The following SLCO1B3 variants were observed in gnomAD, a reference collection of about 807,000 sequenced individuals.
SLCO1B3 encodes the protein solute carrier organic anion transporter family member 1B3.
A neutral mutation model predicts 71.8 loss-of-function variants in SLCO1B3; 72 were observed. That is an observed-to-expected ratio of 1.00 (90% CI 0.83 to 1.22). The LOEUF (loss-of-function observed/expected upper bound fraction) is 1.22. SLCO1B3 is among the 50% of genes most tolerant of loss of function. SLCO1B3 has a pLI of 0.00. For synonymous variants in SLCO1B3, 298 were observed against 278.4 expected (o/e 1.07, Z -0.70); for missense variants, 911 against 819.7 (o/e 1.11, Z -1.36).
chr12:20,811,025 A>G (rs937475459), intron 1 of SLCO1B3, among the ~76,000 whole-genome samples: 1 of 152,138 alleles, frequency 6.6e-6, no homozygotes, highest in African/African-American at 2.4e-5. Flanking sequence ...TCCTATTTCT[A>G]TTGCTTTCTA....
chr12:20,843,380 A>G (rs4382961), intron 3 of SLCO1B3, among the ~76,000 whole-genome samples: 101,110 of 151,742 alleles, frequency 0.67, 36,890 homozygotes, highest in South Asian at 0.84. Context: ...GTATCTTTAC[A>G]TGCCACACTT....
At chr12:20,893,636 A>T (rs969399868) in intron 13 of SLCO1B3, among the ~76,000 whole-genome samples, 1 of 152,228 alleles carries the variant, frequency 6.6e-6, no homozygotes, top group Non-Finnish European at 1.5e-5. Context: ...TTAGAACAAG[A>T]AAGTGAAAGG....
intron 7 of SLCO1B3, 88 bp downstream of exon 7, chr12:20,862,646 A>G: frequency 2.1e-6 from 3 of 1,455,958 alleles, no homozygotes; most frequent in East Asian, 2.3e-5. Flanking sequence ...TCTTTTACCT[A>G]TTAGAAAAAT....
At chr12:20,816,585 T>A (rs924648339) in intron 3 of SLCO1B3, among the ~76,000 whole-genome samples, 1 of 152,238 alleles carries the variant, frequency 6.6e-6, no homozygotes, top group Non-Finnish European at 1.5e-5. Context: ...CACTTTTTTT[T>A]ACGCATTCAT....
intron 15 of SLCO1B3, chr12:20,902,411 A>G (rs1591790347): frequency 6.6e-6 from 1 of 152,532 alleles, no homozygotes; most frequent in East Asian, 1.9e-4. Context: ...GTAGTTCTCT[A>G]ATAATTAGTG....
intron 3 of SLCO1B3, among the ~76,000 whole-genome samples, chr12:20,823,468 A>G (rs1864360402): frequency 6.6e-6 from 1 of 152,214 alleles, no homozygotes; most frequent in Non-Finnish European, 1.5e-5. Context: ...AGGTACTATA[A>G]TTTATAGAAG....
chr12:20,850,256 T>TTTTA (rs67315737), intron 3 of SLCO1B3, among the ~76,000 whole-genome samples: 6,918 of 143,016 alleles, frequency 0.048, 349 homozygotes, highest in African/African-American at 0.12. Context: ...ATTATTATTA[T>TTTTA]TTTATTTATT....
intron 13 of SLCO1B3, among the ~76,000 whole-genome samples, chr12:20,891,352 A>AT (rs1865899967): frequency 6.6e-6 from 1 of 151,674 alleles, no homozygotes; most frequent in Non-Finnish European, 1.5e-5. Flanking sequence ...TAAGACCCTA[A>AT]TTTCTTTTGG....
chr12:20,867,104 A>C lies in SLCO1B3; in HGVS notation c.727+4250A>C, dbSNP rs148419643. ...CCAGAACCTCATGAGTTGAATACTG[A>C]AGGTGCTGAAGTGGTCTGCTTTACC... On this transcript the variant is annotated intron_variant, in intron 8 of 15. Transcript: ENST00000381545. Among the ~76,000 whole-genome samples, 457 of 152,194 alleles carry C rather than the reference A, an allele frequency of 3.0e-3. 1 individual carries two copies. Among genetic ancestry groups the C allele is most frequent in the African/African-American group, 0.01 (426 of 41,548 alleles).
At chr12:20,877,975 A>G in intron 10 of SLCO1B3, 39 bp downstream of exon 10, 1 of 1,361,114 alleles carries the variant, frequency 7.3e-7, no homozygotes, top group Non-Finnish European at 1.0e-6. Context: ...GATAAATGAA[A>G]CACTGCTGAG....
chr12:20,905,661 T>C (rs1866229069), intron 15 of SLCO1B3, among the ~76,000 whole-genome samples: 1 of 152,176 alleles, frequency 6.6e-6, no homozygotes, highest in African/African-American at 2.4e-5. Context: ...GAGTGACCTT[T>C]ACTCCAGTTC....
chr12:20,836,428 A>G (rs758453926), intron 3 of SLCO1B3, among the ~76,000 whole-genome samples: 3 of 152,116 alleles, frequency 2.0e-5, no homozygotes, highest in Admixed American at 1.3e-4. Flanking sequence ...TTTTACATCT[A>G]TGTTCATGAG....
intron 5 of SLCO1B3, among the ~76,000 whole-genome samples, chr12:20,860,674 G>A (rs1052347727): frequency 1.1e-4 from 16 of 144,406 alleles, no homozygotes; most frequent in East Asian, 4.5e-4. Flanking sequence ...CATCTTTGAT[G>A]GTAACTCAAA....
At chr12:20,909,683 GTC>G (rs1866335442) in intron 15 of SLCO1B3, among the ~76,000 whole-genome samples, 1 of 151,966 alleles carries the variant, frequency 6.6e-6, no homozygotes, top group African/African-American at 2.4e-5. Flanking sequence ...TTTTGACAGT[GTC>G]TCTTACTTTC....
intron 2 of SLCO1B3, among the ~76,000 whole-genome samples, chr12:20,814,769 C>T (rs368615028): frequency 4.6e-5 from 7 of 151,822 alleles, no homozygotes; most frequent in African/African-American, 1.2e-4. Flanking sequence ...CACGCACCTG[C>T]GCCTGTGGTC....
intron 3 of SLCO1B3, among the ~76,000 whole-genome samples, chr12:20,836,002 G>C (rs566117796): frequency 6.6e-6 from 1 of 152,184 alleles, no homozygotes; most frequent in Non-Finnish European, 1.5e-5. Context: ...TCACAATCAT[G>C]GTGAAACGCA....
chr12:20,855,675 C>A (rs1865119623), intron 4 of SLCO1B3, among the ~76,000 whole-genome samples: 1 of 147,344 alleles, frequency 6.8e-6, no homozygotes. Context: ...TTTTTTTGAA[C>A]ATTGAAGATA....
At chr12:20,910,125 C>A (rs1350398912) in intron 15 of SLCO1B3, among the ~76,000 whole-genome samples, 1 of 152,102 alleles carries the variant, frequency 6.6e-6, no homozygotes, top group African/African-American at 2.4e-5. Flanking sequence ...GTTTGTGATT[C>A]ATTTTGAGTT....
intron 14 of SLCO1B3, among the ~76,000 whole-genome samples, chr12:20,899,110 C>T (rs1254113381): frequency 6.6e-6 from 1 of 152,088 alleles, no homozygotes; most frequent in Non-Finnish European, 1.5e-5. Context: ...TTTATGGTGG[C>T]AAGGGTAGGA....
Sources: gnomAD v4.1 joint callset for allele counts (sites outside exome capture counted in the v4.1 genomes callset) on GRCh38, gnomAD v4.1.1 for gene constraint, MANE v1.5 for transcripts, NCBI Gene and HGNC (gene_info 2026-07-23, HGNC 2026-07-21) for gene names.